The following CENPW variants were observed in gnomAD, a reference collection of about 807,000 sequenced individuals.
CENPW encodes the protein cancer-up-regulated gene 2 protein.
CENPW carries 3 observed loss-of-function variants against 11.1 expected under a neutral mutation model. The observed-to-expected ratio is 0.27, with a 90% CI of 0.12 to 0.70. CENPW has a LOEUF of 0.70. Ranked by LOEUF, CENPW falls within the 30% of genes least tolerant of loss-of-function variation. The pLI is 0.77. For missense variants in CENPW, 100 were observed against 105.6 expected, an observed-to-expected ratio of 0.95 and a Z score of 0.23; for synonymous variants, 38 against 42.0, an observed-to-expected ratio of 0.91 and a Z score of 0.37.
chr6:126,461,485 A>C, the CENPW span, among the ~76,000 whole-genome samples: 10 of 151,956 alleles, frequency 6.6e-5, no homozygotes, highest in Non-Finnish European at 2.9e-5. Flanking sequence ...ATTTCAAAAA[A>C]AGAGTACTGA....
chr6:126,452,427 T>C, the CENPW span, among the ~76,000 whole-genome samples: 2 of 151,004 alleles, frequency 1.3e-5, no homozygotes, highest in Non-Finnish European at 3.0e-5. Context: ...AAATAGAAGA[T>C]ATACAGGAGA....
At chr6:126,470,966 A>G in the CENPW span, among the ~76,000 whole-genome samples, 2 of 152,218 alleles carry the variant, frequency 1.3e-5, no homozygotes, top group Admixed American at 6.5e-5. Flanking sequence ...CATGGGTGGA[A>G]GGGACTTGCC....
At chr6:126,434,126 T>G in the CENPW span, among the ~76,000 whole-genome samples, 1 of 152,140 alleles carries the variant, frequency 6.6e-6, no homozygotes, top group Non-Finnish European at 1.5e-5. Flanking sequence ...TGACTACATG[T>G]TCCCATATGT....
chr6:126,344,025 TA>T lies in CENPW; in HGVS notation c.127-2171del, dbSNP rs370576625. 8.5e-3 allele frequency among the ~76,000 whole-genome samples: 1,288 copies of T among 152,352 alleles called. 15 individuals are homozygous for T. The highest frequency in any genetic ancestry group is 0.03 in the African/African-American group (1,230 of 41,572). On this transcript the variant is annotated intron_variant, in intron 1 of 2. Coordinates refer to ENST00000368328, the MANE Select transcript of CENPW (RefSeq NM_001012507.4). ...CAGTGTGGTTTAATTGGGTCTGATT[TA>T]AAAAAAAATTTTTTTGCCTTATCTG...
the CENPW span, among the ~76,000 whole-genome samples, chr6:126,354,837 C>T: frequency 3.9e-5 from 6 of 151,980 alleles, no homozygotes; most frequent in African/African-American, 7.2e-5. Context: ...ATTGGTGGTA[C>T]GTATACTCCA....
the CENPW span, among the ~76,000 whole-genome samples, chr6:126,456,958 T>A: frequency 6.6e-6 from 1 of 151,490 alleles, no homozygotes; most frequent in Non-Finnish European, 1.5e-5. Flanking sequence ...TATACACCAC[T>A]AATTTGAGAA....
the CENPW span, among the ~76,000 whole-genome samples, chr6:126,470,843 C>T: frequency 4.6e-5 from 7 of 152,210 alleles, no homozygotes; most frequent in South Asian, 2.1e-4. Flanking sequence ...TGCACAGGGC[C>T]TGTGGCCCCT....
At chr6:126,360,980 G>A in the CENPW span, among the ~76,000 whole-genome samples, 1 of 152,104 alleles carries the variant, frequency 6.6e-6, no homozygotes, top group African/African-American at 2.4e-5. Flanking sequence ...GGAGGTTAAG[G>A]GGACATTCTG....
the CENPW span, among the ~76,000 whole-genome samples, chr6:126,374,504 A>G: frequency 6.6e-6 from 1 of 152,250 alleles, no homozygotes; most frequent in African/African-American, 2.4e-5. Context: ...AAAGACAGGC[A>G]TAGACATGGT....
At chr6:126,423,702 T>A in the CENPW span, among the ~76,000 whole-genome samples, 1 of 151,952 alleles carries the variant, frequency 6.6e-6, no homozygotes, top group Non-Finnish European at 1.5e-5. Flanking sequence ...ATGGGAAGCA[T>A]TCATAGAACA....
chr6:126,348,179 T>C (rs1780444089), intron 2 of CENPW, among the ~76,000 whole-genome samples: 1 of 151,976 alleles, frequency 6.6e-6, no homozygotes, highest in South Asian at 2.1e-4. Context: ...TGGACACTTT[T>C]GGTTTACAAT....
the CENPW span, among the ~76,000 whole-genome samples, chr6:126,412,436 T>C: frequency 6.6e-6 from 1 of 152,288 alleles, no homozygotes; most frequent in East Asian, 1.9e-4. Context: ...TTACTGGTAT[T>C]TGTTTGTATG....
chr6:126,392,944 C>T, the CENPW span, among the ~76,000 whole-genome samples: 2 of 151,786 alleles, frequency 1.3e-5, no homozygotes, highest in African/African-American at 4.8e-5. Flanking sequence ...TGCTGGGAGA[C>T]TTTTTATTAC....
the CENPW span, among the ~76,000 whole-genome samples, chr6:126,413,022 G>T: frequency 2.0e-5 from 3 of 152,070 alleles, no homozygotes; most frequent in South Asian, 6.2e-4. Context: ...ACATTTTCCA[G>T]AAGCTTTAAA....
At chr6:126,350,268 A>G (rs1780475536), downstream of CENPW, among the ~76,000 whole-genome samples, 1 of 152,174 alleles carries the variant, frequency 6.6e-6, no homozygotes, top group African/African-American at 2.4e-5. Flanking sequence ...AATACCATGC[A>G]CTGGATAGCT....
the CENPW span, among the ~76,000 whole-genome samples, chr6:126,407,020 A>G: frequency 6.6e-6 from 1 of 152,116 alleles, no homozygotes; most frequent in African/African-American, 2.4e-5. Context: ...CTTGCTGTAC[A>G]GATCAACCCC....
At chr6:126,355,603 C>A in the CENPW span, among the ~76,000 whole-genome samples, 1 of 152,002 alleles carries the variant, frequency 6.6e-6, no homozygotes, top group Non-Finnish European at 1.5e-5. Context: ...TAAGTTTGTC[C>A]ATTAAATAAT....
chr6:126,432,245 C>T, the CENPW span, among the ~76,000 whole-genome samples: 1 of 152,132 alleles, frequency 6.6e-6, no homozygotes, highest in Non-Finnish European at 1.5e-5. Context: ...GTCACCCATA[C>T]TGTCTACTCC....
At chr6:126,405,727 T>G in the CENPW span, among the ~76,000 whole-genome samples, 45 of 152,252 alleles carry the variant, frequency 3.0e-4, no homozygotes, top group Admixed American at 1.3e-4. Context: ...TCTCCTTAAT[T>G]GTCTGTTACT....
Sources: allele counts gnomAD v4.1 joint callset (sites outside exome capture counted in the v4.1 genomes callset), GRCh38; gene constraint gnomAD v4.1.1; transcripts MANE v1.5; gene names NCBI Gene and HGNC (gene_info 2026-07-23, HGNC 2026-07-21).